MARCHF1: variants seen among roughly 807,000 people sequenced by gnomAD.
MARCHF1 encodes the protein E3 ubiquitin-protein ligase MARCHF1.
Under a neutral mutation model 54.2 loss-of-function variants are expected in MARCHF1, and 40 were observed. The observed-to-expected ratio is 0.74, with a 90% CI of 0.57 to 0.96. The LOEUF is 0.96. MARCHF1 is among the 40% of genes least tolerant of loss of function. MARCHF1 has a pLI of 0.00. For synonymous variants in MARCHF1, 236 were observed against 236.3 expected, an observed-to-expected ratio of 1.00 and a Z score of 0.01; for missense variants, 586 against 656.5, an observed-to-expected ratio of 0.89 and a Z score of 1.17.
At chr4:164,220,407 T>A (rs541547104) in intron 1 of MARCHF1, among the ~76,000 whole-genome samples, 22 of 146,886 alleles carry the variant, frequency 1.5e-4, no homozygotes, top group African/African-American at 4.9e-4. Flanking sequence ...GAATTCCATT[T>A]TATATATATA....
At chr4:163,956,443 G>A (rs970961915) in intron 3 of MARCHF1, among the ~76,000 whole-genome samples, 7 of 152,056 alleles carry the variant, frequency 4.6e-5, no homozygotes, top group Non-Finnish European at 7.4e-5. Context: ...ACTGTTGTCC[G>A]AATATCACAA....
chr4:163,949,020 C>T (rs940820218), intron 3 of MARCHF1, among the ~76,000 whole-genome samples: 1 of 152,168 alleles, frequency 6.6e-6, no homozygotes, highest in African/African-American at 2.4e-5. Context: ...TCTCTGTGGC[C>T]AATGGCACCT....
intron 3 of MARCHF1, among the ~76,000 whole-genome samples, chr4:163,973,619 T>C (rs1427460981): frequency 6.6e-6 from 1 of 152,156 alleles, no homozygotes; most frequent in Non-Finnish European, 1.5e-5. Flanking sequence ...CAAATACGGG[T>C]TGTTACAGTA....
chr4:163,887,279 T>C (rs1362967975), intron 3 of MARCHF1, among the ~76,000 whole-genome samples: 4 of 151,070 alleles, frequency 2.6e-5, no homozygotes, highest in Admixed American at 6.6e-5. Context: ...AAAAAGGGGG[T>C]TTTTATGGGA....
chr4:164,202,349 A>G (rs1731478276), intron 1 of MARCHF1, among the ~76,000 whole-genome samples: 1 of 152,208 alleles, frequency 6.6e-6, no homozygotes, highest in Admixed American at 6.5e-5. Flanking sequence ...GAACCATAAA[A>G]TGTTCCATAT....
At chr4:163,949,956 A>G (rs1355641652) in intron 3 of MARCHF1, among the ~76,000 whole-genome samples, 3 of 152,206 alleles carry the variant, frequency 2.0e-5, no homozygotes, top group African/African-American at 7.2e-5. Context: ...CAGGTCGTCC[A>G]CTGCTGGAGT....
intron 2 of MARCHF1, among the ~76,000 whole-genome samples, chr4:164,007,665 TG>T (rs1753327025): frequency 6.6e-6 from 1 of 151,340 alleles, no homozygotes; most frequent in Non-Finnish European, 1.5e-5. Context: ...TGTGTGTGTG[TG>T]TGTGTGTGTG....
At chr4:164,064,708 G>A (rs1242373278) in intron 2 of MARCHF1, among the ~76,000 whole-genome samples, 1 of 152,118 alleles carries the variant, frequency 6.6e-6, no homozygotes, top group Non-Finnish European at 1.5e-5. Flanking sequence ...GTGAGAGAAG[G>A]CATCCTTGTC....
intron 1 of MARCHF1, among the ~76,000 whole-genome samples, chr4:164,358,256 CT>C (rs1730620044): frequency 6.6e-6 from 1 of 152,152 alleles, no homozygotes; most frequent in South Asian, 2.1e-4. Flanking sequence ...CCACAGCATC[CT>C]CTTGGAATGC....
At chr4:164,317,573 C>T (rs1323538397) in intron 1 of MARCHF1, among the ~76,000 whole-genome samples, 1 of 152,152 alleles carries the variant, frequency 6.6e-6, no homozygotes, top group African/African-American at 2.4e-5. Context: ...TACACGTCTG[C>T]CCTTGTCTCA....
intron 5 of MARCHF1, among the ~76,000 whole-genome samples, chr4:163,656,903 T>C (rs188585205): frequency 2.6e-5 from 4 of 152,194 alleles, no homozygotes; most frequent in South Asian, 2.1e-4. Flanking sequence ...TGAAGGAACA[T>C]ACCTCAAAAT....
In MARCHF1 at chr4:164,241,271, T is replaced by A. The variant is rs550390882; in HGVS notation, c.-322-129609A>T. 7.2e-5 allele frequency among the ~76,000 whole-genome samples: 11 copies of A among 152,190 alleles called. No homozygotes were observed. In the East Asian group the frequency reaches 1.2e-3, roughly 16 times the overall value. ...GACCTTAGATTATTTTCAAAAACCC[T>A]AGCCTCAGAACTCTTGAGGAAGGGG... On this transcript the variant is annotated intron_variant, in intron 1 of 9. Coordinates refer to ENST00000514618, the MANE Select transcript of MARCHF1 (RefSeq NM_001394959.1).
intron 1 of MARCHF1, among the ~76,000 whole-genome samples, chr4:164,141,741 G>A (rs17044551): frequency 1.5e-4 from 23 of 152,086 alleles, no homozygotes; most frequent in African/African-American, 5.6e-4. Flanking sequence ...AAATAACCCT[G>A]GTGCCCCAAA....
At chr4:163,779,816 G>GA (rs1747411884) in intron 4 of MARCHF1, among the ~76,000 whole-genome samples, 1 of 151,734 alleles carries the variant, frequency 6.6e-6, no homozygotes, top group Non-Finnish European at 1.5e-5. Context: ...CTGCCTACTT[G>GA]AAAAAAAGAA....
At chr4:164,239,138 T>C (rs1732652532) in intron 1 of MARCHF1, among the ~76,000 whole-genome samples, 2 of 152,214 alleles carry the variant, frequency 1.3e-5, no homozygotes, top group African/African-American at 4.8e-5. Context: ...CATTCATGTA[T>C]AGATATATAC....
intron 8 of MARCHF1, among the ~76,000 whole-genome samples, chr4:163,564,710 TA>T (rs1441761210): frequency 6.6e-6 from 1 of 152,224 alleles, no homozygotes. Context: ...GATTAGGTTT[TA>T]AAAAGCTCTT....
intron 4 of MARCHF1, among the ~76,000 whole-genome samples, chr4:163,720,318 G>C (rs1322749083): frequency 6.6e-6 from 1 of 152,150 alleles, no homozygotes; most frequent in Non-Finnish European, 1.5e-5. Flanking sequence ...TGTCAGGTTT[G>C]TCAAAGATCA....
At chr4:163,539,550 C>T (rs1446261985) in intron 9 of MARCHF1, among the ~76,000 whole-genome samples, 2 of 152,222 alleles carry the variant, frequency 1.3e-5, no homozygotes, top group Non-Finnish European at 2.9e-5. Context: ...TCACAGGTGT[C>T]TACCAGTAAG....
intron 3 of MARCHF1, among the ~76,000 whole-genome samples, chr4:163,976,015 A>G (rs901642316): frequency 5.9e-5 from 9 of 152,144 alleles, no homozygotes; most frequent in Admixed American, 1.3e-4. Flanking sequence ...TGCAAGCCAT[A>G]TCTTATTTAA....
Sources: gnomAD v4.1 joint callset for allele counts (sites outside exome capture counted in the v4.1 genomes callset) on GRCh38, gnomAD v4.1.1 for gene constraint, MANE v1.5 for transcripts, NCBI Gene and HGNC (gene_info 2026-07-23, HGNC 2026-07-21) for gene names.